Variants in PSMB7 observed in about 807,000 individuals in gnomAD.
The protein encoded by PSMB7 is proteasome subunit beta type-7.
Under a neutral mutation model 28.1 loss-of-function variants are expected in PSMB7, and 5 were observed. The observed-to-expected ratio is 0.18, with a 90% CI of 0.09 to 0.37. PSMB7 has a LOEUF of 0.37. Among genes scored for constraint, PSMB7 ranks in the 10% least tolerant of loss-of-function variants. The pLI, the probability that PSMB7 is intolerant of heterozygous loss-of-function variation, is 1.00. For synonymous variants in PSMB7, 122 were observed against 123.7 expected (o/e 0.99, Z 0.09); for missense variants, 275 against 346.2 (o/e 0.79, Z 1.63).
intron 7 of PSMB7, among the ~76,000 whole-genome samples, chr9:124,354,169 T>G (rs1280734035): frequency 1.0e-5 from 1 of 95,388 alleles, no homozygotes; most frequent in Non-Finnish European, 2.3e-5. Context: ...GCATAAACAG[T>G]GTAAAAAAAA....
chr9:124,355,600 C>T (rs116755811), intron 7 of PSMB7, among the ~76,000 whole-genome samples: 15 of 152,358 alleles, frequency 9.8e-5, no homozygotes, highest in South Asian at 8.3e-4. Context: ...ACCTGGAGCT[C>T]GGCAAAGCCC....
chr9:124,357,127 C>G (rs1309100306), intron 6 of PSMB7, among the ~76,000 whole-genome samples: 2 of 152,198 alleles, frequency 1.3e-5, no homozygotes, highest in Admixed American at 6.5e-5. Flanking sequence ...TATGCATGCA[C>G]CGCCTCTTGA....
At chr9:124,363,409 C>A (rs1045599154) in intron 6 of PSMB7, among the ~76,000 whole-genome samples, 1 of 152,238 alleles carries the variant, frequency 6.6e-6, no homozygotes, top group Non-Finnish European at 1.5e-5. Context: ...ACGGTCTCCG[C>A]GAAAGCAGCA....
At chr9:124,358,834 G>T (rs1229929426) in intron 6 of PSMB7, among the ~76,000 whole-genome samples, 1 of 152,242 alleles carries the variant, frequency 6.6e-6, no homozygotes. Flanking sequence ...CCAGCCAGCA[G>T]TACCTGGCAG....
rs781072543 is a variant in PSMB7, at chr9:124,412,458, T to C, written c.289A>G (p.Met97Val). The C allele has an allele frequency of 7.4e-6, 12 of 1,614,056 alleles. No individual in the cohort carries two copies. Among genetic ancestry groups the C allele is most frequent in the Admixed American group, 6.7e-5 (4 of 60,008 alleles). Reference protein sequence around the residue: ...CGAGTAADTDMTTQLISSNLE... With the variant: ...CGAGTAADTDVTTQLISSNLE... ...TTGGAAGAAATGAGCTGGGTTGTCA[T>C]GTCTGTGTCTGCAGCTGTCCCAGCA... The change falls in exon 4 of 8, where the codon ATG becomes GTG. Residue 97 changes from methionine to valine, a missense_variant. Around this residue, in one of 2 missense-constraint regions of PSMB7, gnomAD observed 213 missense variants for 302.4 expected, o/e 0.70. Transcript: ENST00000259457.
intron 5 of PSMB7, among the ~76,000 whole-genome samples, chr9:124,386,971 G>C (rs1830727723): frequency 6.6e-6 from 1 of 152,044 alleles, no homozygotes; most frequent in South Asian, 2.1e-4. Flanking sequence ...TCCTGGCCGG[G>C]CGCGGTGGCT....
chr9:124,384,720 A>C, intron 5 of PSMB7, 64 bp from the exon 6 acceptor site: 1 of 1,514,316 alleles, frequency 6.6e-7, no homozygotes, highest in Non-Finnish European at 9.1e-7. Context: ...TCTCAAGTTT[A>C]CCTAGGGGCA....
At chr9:124,372,786 CAGA>C (rs1830575598) in intron 6 of PSMB7, among the ~76,000 whole-genome samples, 1 of 152,186 alleles carries the variant, frequency 6.6e-6, no homozygotes, top group South Asian at 2.1e-4. Flanking sequence ...CAGACTTGAA[CAGA>C]AGAATACACA....
rs1364095535 is a variant in PSMB7 at position 124,366,724 on chromosome 9, T to TA, written c.571-9810dup. ...ATTCATGGTAAGTGCCCTAGACAGATACACCATTTTTTATCTCATACTATA... is the reference window on the plus strand; with the variant it reads ...ATTCATGGTAAGTGCCCTAGACAGATAACACCATTTTTTATCTCATACTATA... On this transcript the variant is annotated intron_variant, in intron 6 of 7. Transcript: ENST00000259457. Among the ~76,000 whole-genome samples, 3 of 152,266 alleles carry TA rather than the reference T, an allele frequency of 2.0e-5. 1 individual carries two copies. The highest frequency in any genetic ancestry group is 4.4e-5 in the Non-Finnish European group (3 of 68,048).
At chr9:124,366,223 G>C (rs1277198864) in intron 6 of PSMB7, among the ~76,000 whole-genome samples, 1 of 152,200 alleles carries the variant, frequency 6.6e-6, no homozygotes, top group African/African-American at 2.4e-5. Context: ...GACCAGCCTG[G>C]CCAACATGGT....
At chr9:124,354,971 G>A (rs1432432104) in intron 7 of PSMB7, among the ~76,000 whole-genome samples, 1 of 152,230 alleles carries the variant, frequency 6.6e-6, no homozygotes, top group Non-Finnish European at 1.5e-5. Context: ...GTGCTGGAGG[G>A]CTGCGGGCAG....
chr9:124,388,787 G>T (rs1275339928), intron 5 of PSMB7, among the ~76,000 whole-genome samples: 1 of 152,096 alleles, frequency 6.6e-6, no homozygotes, highest in African/African-American at 2.4e-5. Context: ...ATCTCACAGA[G>T]CACATGGCAG....
intron 5 of PSMB7, among the ~76,000 whole-genome samples, chr9:124,388,136 C>T (rs1164785588): frequency 6.6e-6 from 1 of 152,230 alleles, no homozygotes; most frequent in African/African-American, 2.4e-5. Context: ...CTGGCACTCT[C>T]TTCATACACA....
At chr9:124,358,492 G>C (rs1218992712) in intron 6 of PSMB7, among the ~76,000 whole-genome samples, 1 of 152,174 alleles carries the variant, frequency 6.6e-6, no homozygotes, top group Non-Finnish European at 1.5e-5. Context: ...CGCTAATTAG[G>C]AATTTTCTCC....
chr9:124,363,716 C>A (rs1456157847), intron 6 of PSMB7, among the ~76,000 whole-genome samples: 1 of 151,812 alleles, frequency 6.6e-6, no homozygotes, highest in African/African-American at 2.4e-5. Context: ...TTTTTTGGTA[C>A]CAGGATCTGG....
intron 5 of PSMB7, among the ~76,000 whole-genome samples, chr9:124,392,551 C>G (rs1056966299): frequency 6.6e-6 from 1 of 152,198 alleles, no homozygotes; most frequent in Non-Finnish European, 1.5e-5. Flanking sequence ...CTGAGGGTTA[C>G]ACAAGATGGC....
intron 6 of PSMB7, among the ~76,000 whole-genome samples, chr9:124,381,398 A>G (rs1830663124): frequency 6.6e-6 from 1 of 152,214 alleles, no homozygotes; most frequent in Non-Finnish European, 1.5e-5. Flanking sequence ...AACAGCCTAA[A>G]ACTGCCACTT....
chr9:124,414,224 T>G (rs1258667302), intron 2 of PSMB7, among the ~76,000 whole-genome samples: 1 of 152,192 alleles, frequency 6.6e-6, no homozygotes, highest in Admixed American at 6.5e-5. Context: ...GTAAGAATTA[T>G]TCCCATTTTC....
At chr9:124,405,505 C>A in intron 4 of PSMB7, 73 bp from the exon 5 acceptor site, 3 of 1,029,966 alleles carry the variant, frequency 2.9e-6, no homozygotes, top group African/African-American at 1.6e-5. Context: ...CCAAAAGTTG[C>A]ATGAGAAGTC....
Sources: allele counts gnomAD v4.1 joint callset (sites outside exome capture counted in the v4.1 genomes callset), GRCh38; gene constraint gnomAD v4.1.1; regional missense constraint gnomAD v4.1.1; transcripts MANE v1.5; gene names NCBI Gene and HGNC (gene_info 2026-07-23, HGNC 2026-07-21).